Variants in BDP1 observed in about 807,000 individuals in gnomAD.
The protein encoded by BDP1 is transcription factor TFIIIB component B'' homolog.
In BDP1, 169 loss-of-function variants were observed where a neutral mutation model predicts 266.6. The observed-to-expected ratio is 0.63, with a 90% confidence interval of 0.56 to 0.72. The LOEUF is 0.72. Ranked by LOEUF, BDP1 falls within the 30% of genes least tolerant of loss-of-function variation. BDP1 has a pLI of 0.00. For missense variants in BDP1, 3,015 were observed against 3,053.8 expected, an observed-to-expected ratio of 0.99 and a Z score of 0.30; for synonymous variants, 1,090 against 1,022.4, an observed-to-expected ratio of 1.07 and a Z score of -1.26.
rs970715766 is a variant in BDP1 at position 71,566,717 on chromosome 5, A to C, written c.*1832A>C. 6.6e-6 allele frequency: 1 copy of C among 152,174 alleles called. No individual in the cohort carries two copies. Among genetic ancestry groups the C allele is most frequent in the African/African-American group, 2.4e-5 (1 of 41,448 alleles). The allele number at this position is 152,174 out of a possible 1,614,324, so 9.4% of individuals were successfully genotyped here. A position where few individuals can be genotyped will look rare whatever the true frequency, so the allele number is the denominator to read the frequency against. On this transcript the variant is annotated 3_prime_UTR_variant, in exon 39 of 39. Coordinates refer to ENST00000358731, the MANE Select transcript of BDP1 (RefSeq NM_018429.3). ...GTTTGACCCCCTACATTAGGCCCCA[A>C]ATTTTCTTACCCTGAGGTGCTGATA...
In BDP1 at chr5:71,523,998, C is replaced by T. The variant is rs1196286914; in HGVS notation, c.5447C>T (p.Thr1816Ile). 3 of 1,614,044 alleles carry T rather than the reference C, an allele frequency of 1.9e-6. No individual in the cohort carries two copies. Among genetic ancestry groups the T allele is most frequent in the Non-Finnish European group, 1.7e-6 (2 of 1,180,030 alleles). ...YSKIALDGKTTISSTSEYERN... is the reference protein window; with the variant it reads ...YSKIALDGKTIISSTSEYERN... ...AAAATTGCCCTGGATGGGAAAACAA[C>T]TATCTCTTCTACATCTGAGTATGAG... The change falls in exon 25 of 39, where the codon ACT becomes ATT. Residue 1816 changes from threonine to isoleucine, a missense_variant. Coordinates refer to ENST00000358731, the MANE Select transcript of BDP1 (RefSeq NM_018429.3).
chr5:71,523,873 T>C lies in BDP1; in HGVS notation c.5388-66T>C, dbSNP rs928450135. On this transcript the variant is annotated intron_variant, in intron 24 of 38. Coordinates refer to ENST00000358731, the MANE Select transcript of BDP1 (RefSeq NM_018429.3). ...TGGAACTGGAATTTCACTCTAAAAGTTTGGTTTTCATTAAAATTATCCTTG... is the reference window on the plus strand; with the variant it reads ...TGGAACTGGAATTTCACTCTAAAAGCTTGGTTTTCATTAAAATTATCCTTG... The C allele has an allele frequency of 9.7e-6, 14 of 1,448,538 alleles. No individual in the cohort carries two copies. In the African/African-American group the frequency reaches 2.0e-4, roughly 21 times the overall value. The allele number at this position is 1,448,538 out of a possible 1,614,324, so 89.7% of individuals were successfully genotyped here.
At chr5:71,551,845 G>T (rs1213210078) in intron 34 of BDP1, among the ~76,000 whole-genome samples, 1 of 150,978 alleles carries the variant, frequency 6.6e-6, no homozygotes, top group African/African-American at 2.4e-5. Context: ...TCCCAGTAGG[G>T]GCAGCCAGAC....
In BDP1 at chr5:71,522,872, A is replaced by G; in HGVS notation, c.5310A>G (p.Arg1770=). The change falls in exon 24 of 39, where the codon AGA becomes AGG. Residue 1770 remains arginine, a synonymous_variant. Coordinates refer to ENST00000358731, the MANE Select transcript of BDP1 (RefSeq NM_018429.3). ...AATTAGAAGAAGTTGGACCATCAAG[A>G]AGGGTTGGAGAGGAAACTGTAGGAG... ...DAELEEVGPS[R]RVGEETVGDN... 6.2e-7 allele frequency: 1 copy of G among 1,613,800 alleles called. No individual in the cohort carries two copies. The highest frequency in any genetic ancestry group is 8.5e-7 in the Non-Finnish European group (1 of 1,179,844).
At position 71,545,088 on chromosome 5, in the gene BDP1, G is replaced by A; in HGVS notation, c.6613G>A (p.Ala2205Thr). The A allele has an allele frequency of 6.2e-7, 1 of 1,613,528 alleles. No individual in the cohort carries two copies. Among genetic ancestry groups the A allele is most frequent in the South Asian group, 1.1e-5 (1 of 91,050 alleles). Residue 2205 changes from alanine to threonine, a missense_variant, in exon 32 of 39, where the codon GCT becomes ACT. This residue lies in a region of BDP1 where 629 missense variants were observed against 632.5 expected (regional missense o/e 0.99). Coordinates refer to ENST00000358731, the MANE Select transcript of BDP1 (RefSeq NM_018429.3). ...TCAGGAGGTTCACATGTTGTCAGTT[G>A]CTCCAGTTGCTTCCTCTGAGACAGG... ...SSQEVHMLSVAPVASSETGPC... is the reference protein window; with the variant it reads ...SSQEVHMLSVTPVASSETGPC...
At chr5:71,486,104 C>T (rs1239626073) in intron 8 of BDP1, among the ~76,000 whole-genome samples, 1 of 152,082 alleles carries the variant, frequency 6.6e-6, no homozygotes, top group African/African-American at 2.4e-5. Flanking sequence ...ATAGTATGTA[C>T]CCTAGTATCT....
In BDP1 at chr5:71,553,227, A is replaced by G; in HGVS notation, c.7107A>G (p.Arg2369=). 1 of 1,613,414 alleles carries G rather than the reference A, an allele frequency of 6.2e-7. No homozygotes were observed. The stretch of plus-strand genomic sequence containing the variant: ...ATTTGGATCTTGTATCTAGGAAGAG[A>G]TTTCAATGCAGGCTTGATAAAAATG... ...PDNLDLVSRK[R]FQCRLDKNDH... The change falls in exon 35 of 39, where the codon AGA becomes AGG. Residue 2369 remains arginine (R), a synonymous_variant. Transcript: ENST00000358731.
At chr5:71,541,812 A>AT (rs1766986942) in intron 29 of BDP1, 130 bp downstream of exon 29, 7 of 622,904 alleles carry the variant, frequency 1.1e-5, no homozygotes, top group Non-Finnish European at 1.8e-5. Flanking sequence ...ACTGATTTTG[A>AT]TTTTAGGTTA....
At chr5:71,575,348 A>G in the BDP1 span, among the ~76,000 whole-genome samples, 1 of 152,252 alleles carries the variant, frequency 6.6e-6, no homozygotes, top group Non-Finnish European at 1.5e-5. Flanking sequence ...TACCATTAGA[A>G]TGGCTCAGTG....
chr5:71,510,625 G>A lies in BDP1; in HGVS notation c.3533G>A (p.Arg1178Lys). ...GAGACAGACTTGAAAACAACTGGAA[G>A]AGAGGGTTCCTCAAGGGAGAAGACA... ...EMETDLKTTG[R>K]EGSSREKTRE... The change falls in exon 17 of 39, where the codon AGA becomes AAA. Residue 1178 changes from arginine to lysine, a missense_variant. Coordinates refer to ENST00000358731, the MANE Select transcript of BDP1 (RefSeq NM_018429.3). The A allele has an allele frequency of 6.3e-7, 1 of 1,586,676 alleles. No individual in the cohort carries two copies. Among genetic ancestry groups the A allele is most frequent in the Non-Finnish European group, 8.6e-7 (1 of 1,162,946 alleles).
At chr5:71,538,124 T>G (rs1447944381) in intron 26 of BDP1, among the ~76,000 whole-genome samples, 1 of 152,216 alleles carries the variant, frequency 6.6e-6, no homozygotes, top group Non-Finnish European at 1.5e-5. Flanking sequence ...TTTCATTGTA[T>G]TTTTTGGACG....
At position 71,564,839 on chromosome 5, in the gene BDP1, AAT is replaced by A; in HGVS notation, c.7832_7833del (p.Tyr2611PhefsTer4). On this transcript the variant is annotated frameshift_variant, in exon 39 of 39. Transcript: ENST00000358731. LOFTEE classifies it high-confidence loss of function. ...CAAGGGGAGGCAACCACAGTCTCTGAATATTTCTTCAATGATATCTTCATTGA... is the reference window on the plus strand; with the variant it reads ...CAAGGGGAGGCAACCACAGTCTCTGAATTTCTTCAATGATATCTTCATTGA... The A allele has an allele frequency of 6.2e-7, 1 of 1,610,902 alleles. No homozygotes were observed. The highest frequency in any genetic ancestry group is 8.5e-7 in the Non-Finnish European group (1 of 1,179,484).
intron 16 of BDP1, among the ~76,000 whole-genome samples, chr5:71,505,911 C>G (rs758636739): frequency 2.6e-5 from 4 of 152,170 alleles, no homozygotes; most frequent in Admixed American, 1.3e-4. Flanking sequence ...GCTAGGTTTC[C>G]TGAACTACTT....
At chr5:71,559,428 C>A (rs1457101518) in intron 36 of BDP1, among the ~76,000 whole-genome samples, 1 of 152,194 alleles carries the variant, frequency 6.6e-6, no homozygotes, top group Non-Finnish European at 1.5e-5. Flanking sequence ...CTAAAACACT[C>A]TCTCTGAGAA....
Position 71,512,419 on chromosome 5 carries a change from TTAATTTAAGG to T in BDP1, c.4241_4247+3del. ...GATGTTCCAGAGCAGTTTTCAGATA[TTAATTTAAGG>T]TACAAGTGTGTTTTTAAAGAAAAAG... On this transcript the variant is annotated splice_donor_variant and coding_sequence_variant, in exon 18 of 39. Coordinates refer to ENST00000358731, the MANE Select transcript of BDP1 (RefSeq NM_018429.3). LOFTEE classifies it high-confidence loss of function. 1 of 1,537,470 alleles carries T rather than the reference TTAATTTAAGG, an allele frequency of 6.5e-7. No homozygotes were observed. The highest frequency in any genetic ancestry group is 8.7e-7 in the Non-Finnish European group (1 of 1,150,284).
chr5:71,496,638 AGTGGCAC>A (rs1763912010), intron 12 of BDP1, among the ~76,000 whole-genome samples: 1 of 152,154 alleles, frequency 6.6e-6, no homozygotes, highest in Admixed American at 6.5e-5. Flanking sequence ...GCTGGAGTGC[AGTGGCAC>A]CATCTTGGCT....
intron 7 of BDP1, among the ~76,000 whole-genome samples, chr5:71,472,098 C>CA (rs1464981814): frequency 2.0e-5 from 3 of 152,198 alleles, no homozygotes; most frequent in Non-Finnish European, 4.4e-5. Context: ...CTATTTGTCT[C>CA]AAAAATCATG....
chr5:71,468,965 A>C (rs1762075083), intron 6 of BDP1, among the ~76,000 whole-genome samples: 1 of 152,156 alleles, frequency 6.6e-6, no homozygotes, highest in African/African-American at 2.4e-5. Flanking sequence ...TGTATAATAA[A>C]GCTTCTATAG....
At chr5:71,546,617 C>CAA (rs70992980) in intron 32 of BDP1, among the ~76,000 whole-genome samples, 25 of 57,766 alleles carry the variant, frequency 4.3e-4, no homozygotes, top group South Asian at 1.0e-3. Flanking sequence ...GACTCTGTCT[C>CAA]AAAAAAAAAA....
Sources: allele counts gnomAD v4.1 joint callset (sites outside exome capture counted in the v4.1 genomes callset), GRCh38; gene constraint gnomAD v4.1.1; regional missense constraint gnomAD v4.1.1; transcripts MANE v1.5; gene names NCBI Gene and HGNC (gene_info 2026-07-23, HGNC 2026-07-21).